The following PHF3 variants were observed in gnomAD, a reference collection of about 807,000 sequenced individuals.
PHF3 encodes PHD finger protein 3.
PHF3 carries 41 observed loss-of-function variants against 178.4 expected under a neutral mutation model. The ratio of observed to expected loss-of-function variants is 0.23; its 90% CI spans 0.18 to 0.30. The LOEUF (loss-of-function observed/expected upper bound fraction) is 0.30. Ranked by LOEUF, PHF3 falls within the 10% of genes least tolerant of loss-of-function variation. PHF3 has a pLI of 1.00. For missense variants in PHF3, 2,346 were observed against 2,398.1 expected, an observed-to-expected ratio of 0.98 and a Z score of 0.45; for synonymous variants, 842 against 800.5, an observed-to-expected ratio of 1.05 and a Z score of -0.88.
rs76948931 is a variant in PHF3 at position 63,719,203 on chromosome 6, T to G, written c.*5495T>G. Among the ~76,000 whole-genome samples the G allele has an allele frequency of 8.5e-5, 13 of 152,206 alleles. No individual in the cohort carries two copies. The East Asian group carries it at 1.3e-3, about 16-fold the overall frequency. On this transcript the variant is annotated 3_prime_UTR_variant, in exon 16 of 16. Coordinates refer to ENST00000262043, the MANE Select transcript of PHF3 (RefSeq NM_001370348.2). ...CCTTTTAGGAATGTCTGTAGCCTTT[T>G]GATTGGAATGGAGTGGCTAAAATAA...
In PHF3 at chr6:63,684,534, A is replaced by G. The variant is rs1390094263; in HGVS notation, c.812A>G (p.Glu271Gly). The part of the protein sequence containing the change: ...TCVTIGEKKN[E>G]ALMECKAKPV... ...GTTACTATTGGAGAAAAGAAAAATG[A>G]AGCTTTGATGGAATGTAAAGCCAAG... The change falls in exon 4 of 16, where the codon GAA becomes GGA. Residue 271 changes from glutamate (E) to glycine (G), a missense_variant. Physicochemically the swap from Glu to Gly is moderately conservative, Grantham distance 98. Transcript: ENST00000262043. 2 of 1,613,368 alleles carry G rather than the reference A, an allele frequency of 1.2e-6. No individual in the cohort carries two copies. Among genetic ancestry groups the G allele is most frequent in the Non-Finnish European group, 1.7e-6 (2 of 1,179,778 alleles).
chr6:63,659,414 T>C (rs1219533912), intron 2 of PHF3, among the ~76,000 whole-genome samples: 2 of 152,212 alleles, frequency 1.3e-5, no homozygotes, highest in Non-Finnish European at 2.9e-5. Context: ...AGATGAGTAT[T>C]GTAGGCAGAT....
In PHF3 at chr6:63,719,341, T is replaced by C. The variant is rs1429620634; in HGVS notation, c.*5633T>C. 6.6e-6 allele frequency among the ~76,000 whole-genome samples: 1 copy of C among 151,842 alleles called. No homozygotes were observed. The highest frequency in any genetic ancestry group is 1.5e-5 in the Non-Finnish European group (1 of 67,906). Reference sequence around the variant, plus strand: ...CAGCCCTTATTTTTTGTAAATCTTTTCTCTAATTACTTGATGATTAATTTC... The same window carrying C: ...CAGCCCTTATTTTTTGTAAATCTTTCCTCTAATTACTTGATGATTAATTTC... On this transcript the variant is annotated 3_prime_UTR_variant, in exon 16 of 16. Transcript: ENST00000262043.
At chr6:63,649,071 AAAG>A (rs1764910217) in intron 2 of PHF3, among the ~76,000 whole-genome samples, 1 of 149,434 alleles carries the variant, frequency 6.7e-6, no homozygotes. Context: ...TAATTGCAAA[AAAG>A]AAATCTTATT....
intron 1 of PHF3, among the ~76,000 whole-genome samples, chr6:63,642,604 A>G (rs1193759556): frequency 3.3e-5 from 5 of 152,192 alleles, no homozygotes; most frequent in Non-Finnish European, 7.4e-5. Flanking sequence ...TATATTCCCA[A>G]ATTACCAATA....
intron 5 of PHF3, among the ~76,000 whole-genome samples, chr6:63,693,128 T>G (rs941269032): frequency 6.6e-6 from 1 of 152,234 alleles, no homozygotes; most frequent in Non-Finnish European, 1.5e-5. Flanking sequence ...ATCATCAAAG[T>G]AATTGATAAT....
chr6:63,705,288 T>C (rs1339446149), intron 11 of PHF3, among the ~76,000 whole-genome samples: 3 of 152,230 alleles, frequency 2.0e-5, no homozygotes, highest in Non-Finnish European at 4.4e-5. Flanking sequence ...TCTCTTCTTC[T>C]AATTTTTCAC....
Position 63,685,814 on chromosome 6 carries a change from A to G in PHF3, c.2092A>G (p.Arg698Gly), listed in dbSNP as rs748414011. ...LFIPDNIATI[R>G]REGSDHSSSF... Reference sequence around the variant, plus strand: ...CATTCCAGATAACATAGCTACCATAAGAAGAGAAGGCTCTGATCATAGCTC... The same window carrying G: ...CATTCCAGATAACATAGCTACCATAGGAAGAGAAGGCTCTGATCATAGCTC... Residue 698 changes from arginine to glycine, a missense_variant, in exon 4 of 16, where the codon AGA (arginine) becomes GGA (glycine). This residue lies in a region of PHF3 where 72 missense variants were observed against 110.5 expected (regional missense o/e 0.65). Coordinates refer to ENST00000262043, the MANE Select transcript of PHF3 (RefSeq NM_001370348.2). 6.2e-7 allele frequency: 1 copy of G among 1,613,762 alleles called. No individual in the cohort carries two copies. The highest frequency in any genetic ancestry group is 8.5e-7 in the Non-Finnish European group (1 of 1,180,032).
intron 2 of PHF3, among the ~76,000 whole-genome samples, chr6:63,664,662 A>G (rs760700922): frequency 1.2e-4 from 19 of 152,262 alleles, no homozygotes; most frequent in Non-Finnish European, 2.1e-4. Flanking sequence ...TTAGTTGTAT[A>G]AGAACTTACT....
intron 2 of PHF3, among the ~76,000 whole-genome samples, chr6:63,663,530 A>G (rs144715460): frequency 3.9e-4 from 60 of 152,262 alleles, no homozygotes; most frequent in Middle Eastern, 6.8e-3. Context: ...GTCTGACCCC[A>G]GAAACACTTT....
At chr6:63,689,220 G>GT (rs1255082077) in intron 4 of PHF3, among the ~76,000 whole-genome samples, 1 of 152,040 alleles carries the variant, frequency 6.6e-6, no homozygotes, top group African/African-American at 2.4e-5. Context: ...TCTTTTAAAC[G>GT]TAAGTCAGTT....
Position 63,685,188 on chromosome 6 carries a change from A to T in PHF3, c.1466A>T (p.Lys489Ile). ...TTAGAGTCAAAAAGTGTAAAATCCAAACATACAAAACCTGTAATTCATTCT... is the reference window on the plus strand; with the variant it reads ...TTAGAGTCAAAAAGTGTAAAATCCATACATACAAAACCTGTAATTCATTCT... ...SYLESKSVKS[K>I]HTKPVIHSKQ... The change falls in exon 4 of 16, where the codon AAA (lysine) becomes ATA (isoleucine). Residue 489 changes from lysine (K) to isoleucine (I), a missense_variant. Physicochemically the swap from Lys to Ile is moderately radical, Grantham distance 102. Transcript: ENST00000262043. 6.2e-7 allele frequency: 1 copy of T among 1,613,982 alleles called. No homozygotes were observed. Among genetic ancestry groups the T allele is most frequent in the Non-Finnish European group, 8.5e-7 (1 of 1,179,994 alleles).
rs1251310926 is a variant in PHF3 at position 63,635,999 on chromosome 6, G to A, written c.-177G>A. The A allele has an allele frequency of 2.5e-6, 1 of 397,872 alleles. No homozygotes were observed. Among genetic ancestry groups the A allele is most frequent in the Non-Finnish European group, 4.4e-6 (1 of 225,552 alleles). The allele number at this position is 397,872 out of a possible 1,614,324, so 24.6% of individuals were successfully genotyped here. A position where few individuals can be genotyped will look rare whatever the true frequency, so the allele number is the denominator to read the frequency against. On this transcript the variant is annotated 5_prime_UTR_variant, in exon 1 of 16. Transcript: ENST00000262043. ...CGTCAGCAGCAGCCATTTGGTCCCA[G>A]GAGGAAAAGAGGCTGTGGCAGCGAC... is the stretch of plus-strand genomic sequence containing the variant.
intron 11 of PHF3, among the ~76,000 whole-genome samples, chr6:63,705,130 C>T (rs1368793353): frequency 6.6e-6 from 1 of 152,194 alleles, no homozygotes; most frequent in Non-Finnish European, 1.5e-5. Context: ...TAATCCAAAC[C>T]TGGATACAGA....
At chr6:63,699,377 A>C (rs1280706879) in intron 8 of PHF3, among the ~76,000 whole-genome samples, 1 of 152,202 alleles carries the variant, frequency 6.6e-6, no homozygotes. Flanking sequence ...GATTAGATGC[A>C]ACCTTTTTGC....
chr6:63,696,482 C>T (rs1020645577), intron 6 of PHF3, among the ~76,000 whole-genome samples: 2 of 152,194 alleles, frequency 1.3e-5, no homozygotes, highest in African/African-American at 4.8e-5. Flanking sequence ...CCACACCCAG[C>T]TAATTTTTTG....
intron 4 of PHF3, among the ~76,000 whole-genome samples, chr6:63,690,900 C>T (rs1459432367): frequency 2.6e-5 from 4 of 152,060 alleles, no homozygotes; most frequent in Admixed American, 6.5e-5. Context: ...ATACGTTTCA[C>T]ATCCCTGGAC....
At chr6:63,696,937 T>G (rs1300169236) in intron 6 of PHF3, among the ~76,000 whole-genome samples, 1 of 152,162 alleles carries the variant, frequency 6.6e-6, no homozygotes, top group East Asian at 1.9e-4. Flanking sequence ...CAGATAACTC[T>G]CAGGGAGTTT....
rs764719144 is a variant in PHF3, at chr6:63,713,704, G to A, written c.6116G>A (p.Arg2039Lys). The change falls in exon 16 of 16, where the codon AGG becomes AAG. Residue 2039 changes from arginine to lysine, a missense_variant. Coordinates refer to ENST00000262043, the MANE Select transcript of PHF3 (RefSeq NM_001370348.2). ...CACACTGACAGAACTAAAAGCAAAA[G>A]GTAAAATTTGCAGGCTGCTTCAGGA... ...RDHTDRTKSK[R>K] 1.2e-4 allele frequency: 185 copies of A among 1,546,996 alleles called. No individual in the cohort carries two copies. Among genetic ancestry groups the A allele is most frequent in the Non-Finnish European group, 1.4e-4 (166 of 1,154,044 alleles).
Sources: gnomAD v4.1 joint callset for allele counts (sites outside exome capture counted in the v4.1 genomes callset) on GRCh38, gnomAD v4.1.1 for gene constraint, gnomAD v4.1.1 regional missense constraint, MANE v1.5 for transcripts, NCBI Gene and HGNC (gene_info 2026-07-23, HGNC 2026-07-21) for gene names.